The following MMAA variants were observed in gnomAD, a reference collection of about 807,000 sequenced individuals.
MMAA encodes the protein metabolism of cobalamin associated A, also known as methylmalonic aciduria type A protein, mitochondrial.
Under a neutral mutation model 45.0 loss-of-function variants are expected in MMAA, and 41 were observed. That is an observed-to-expected ratio of 0.91 (90% confidence interval 0.71 to 1.18). The LOEUF is 1.18. Among genes scored for constraint, MMAA ranks in the 50% most tolerant of loss-of-function variants. MMAA has a pLI of 0.00. For missense variants in MMAA, 460 were observed against 495.7 expected, an observed-to-expected ratio of 0.93 and a Z score of 0.68; for synonymous variants, 154 against 178.2, an observed-to-expected ratio of 0.86 and a Z score of 1.08.
intron 1 of MMAA, chr4:145,624,676 C>T: frequency 6.7e-7 from 1 of 1,484,410 alleles, no homozygotes; most frequent in Non-Finnish European, 9.3e-7. Context: ...TTCTCAGGCT[C>T]AGGTTTGGGT....
chr4:145,653,162 C>G (rs1229306188), intron 5 of MMAA, among the ~76,000 whole-genome samples: 1 of 152,188 alleles, frequency 6.6e-6, no homozygotes, highest in Non-Finnish European at 1.5e-5. Flanking sequence ...TGTGAGCCAC[C>G]ACACCTAGCC....
chr4:145,652,917 T>C (rs988053823), intron 5 of MMAA, among the ~76,000 whole-genome samples: 1 of 151,954 alleles, frequency 6.6e-6, no homozygotes, highest in African/African-American at 2.4e-5. Context: ...TTTCCCAGGC[T>C]GGAGTGCAGT....
At chr4:145,641,959 GT>G (rs1270908983) in intron 2 of MMAA, among the ~76,000 whole-genome samples, 1 of 152,184 alleles carries the variant, frequency 6.6e-6, no homozygotes, top group East Asian at 1.9e-4. Flanking sequence ...ATAATGAGTT[GT>G]TTTTCCAGTG....
In MMAA at chr4:145,624,992, T is replaced by C. The variant is rs1004225862; in HGVS notation, c.-66+5585T>C. 2.0e-5 allele frequency: 20 copies of C among 995,202 alleles called. No homozygotes were observed. In the African/African-American group the frequency reaches 2.7e-4, roughly 13 times the overall value. 61.6% of individuals were successfully genotyped at this position (995,202 alleles called of 1,614,324 possible). A position where few individuals can be genotyped will look rare whatever the true frequency, so the allele number is the denominator to read the frequency against. On this transcript the variant is annotated intron_variant, in intron 1 of 6. Transcript: ENST00000649156. ...CTGACAGTTGGTACAGGAGTCAGTC[T>C]TGACAAGCCAATCATTCATATTATA...
At chr4:145,642,842 A>C (rs1346081080) in intron 3 of MMAA, 2 of 292,468 alleles carry the variant, frequency 6.8e-6, no homozygotes, top group Admixed American at 9.0e-5. Flanking sequence ...GCAATTCAGA[A>C]AATAGGTCCT....
At chr4:145,648,025 T>C (rs1352022834) in intron 4 of MMAA, among the ~76,000 whole-genome samples, 1 of 139,112 alleles carries the variant, frequency 7.2e-6, no homozygotes, top group Non-Finnish European at 1.5e-5. Flanking sequence ...CCCAGCTAAT[T>C]TTTTTTTTTT....
chr4:145,635,977 C>G (rs375472749), intron 1 of MMAA, among the ~76,000 whole-genome samples: 1 of 152,220 alleles, frequency 6.6e-6, no homozygotes, highest in Non-Finnish European at 1.5e-5. Context: ...CTGCCACTGG[C>G]TATGACTGTG....
At chr4:145,637,668 C>T (rs1485131101) in intron 1 of MMAA, among the ~76,000 whole-genome samples, 1 of 152,086 alleles carries the variant, frequency 6.6e-6, no homozygotes, top group African/African-American at 2.4e-5. Context: ...GAAAATCAAC[C>T]AAAATTTACA....
At chr4:145,648,383 T>C (rs1006132232) in intron 4 of MMAA, among the ~76,000 whole-genome samples, 11 of 152,054 alleles carry the variant, frequency 7.2e-5, no homozygotes, top group Non-Finnish European at 1.3e-4. Context: ...CCTGACCTTG[T>C]GATCCGCCCG....
rs189125891 is a variant in MMAA, at chr4:145,634,992, C to T, written c.-65-4083C>T. On this transcript the variant is annotated intron_variant, in intron 1 of 6. Coordinates refer to ENST00000649156, the MANE Select transcript of MMAA (RefSeq NM_172250.3). ...AAGCAGAAAGAAGGTGTCTCTTTTGCAGCCATGAGCTATGCAGCCTGGGAT... is the reference window on the plus strand; with the variant it reads ...AAGCAGAAAGAAGGTGTCTCTTTTGTAGCCATGAGCTATGCAGCCTGGGAT... Among the ~76,000 whole-genome samples, 4 of 152,004 alleles carry T rather than the reference C, an allele frequency of 2.6e-5. No homozygotes were observed. The East Asian group carries it at 7.8e-4, about 30-fold the overall frequency.
At chr4:145,623,048 C>T (rs1187733286) in intron 1 of MMAA, among the ~76,000 whole-genome samples, 1 of 152,214 alleles carries the variant, frequency 6.6e-6, no homozygotes, top group Non-Finnish European at 1.5e-5. Flanking sequence ...CCACTTCTCT[C>T]TTACAGAGAC....
In MMAA at chr4:145,639,330, AATT is replaced by A. The variant is rs758827870; in HGVS notation, c.194_196del (p.Leu65del). 1.2e-6 allele frequency: 2 copies of A among 1,614,212 alleles called. No homozygotes were observed. The highest frequency in any genetic ancestry group is 2.2e-5 in the South Asian group (2 of 91,082). ...CTGCTGTCAGATGGCTTAAAGAGAAAATTATGTGTACAAACAACCTTAAAGGAC... is the reference window on the plus strand; with the variant it reads ...CTGCTGTCAGATGGCTTAAAGAGAAAATGTGTACAAACAACCTTAAAGGAC... On this transcript the variant is annotated inframe_deletion, in exon 2 of 7. Transcript: ENST00000649156.
At position 145,619,611 on chromosome 4, in the gene MMAA, A is replaced by C. The variant is rs575375678; in HGVS notation, c.-66+204A>C. ...TATGTGTGGACAGGCAGGAGTCGGCAAATGGGTTCAAATGGAAGCTTTAAC... is the reference window on the plus strand; with the variant it reads ...TATGTGTGGACAGGCAGGAGTCGGCCAATGGGTTCAAATGGAAGCTTTAAC... On this transcript the variant is annotated intron_variant, in intron 1 of 6. Coordinates refer to ENST00000649156, the MANE Select transcript of MMAA (RefSeq NM_172250.3). 1.1e-4 allele frequency among the ~76,000 whole-genome samples: 17 copies of C among 152,342 alleles called. No individual in the cohort carries two copies. The South Asian group carries it at 3.5e-3, about 32-fold the overall frequency.
At chr4:145,619,659 C>G (rs896273087) in intron 1 of MMAA, among the ~76,000 whole-genome samples, 1 of 152,178 alleles carries the variant, frequency 6.6e-6, no homozygotes, top group Non-Finnish European at 1.5e-5. Context: ...TGTACGTAAA[C>G]AGTGTTTTAA....
chr4:145,633,398 A>T (rs1727518782), intron 1 of MMAA, among the ~76,000 whole-genome samples: 1 of 151,208 alleles, frequency 6.6e-6, no homozygotes, highest in African/African-American at 2.4e-5. Context: ...GGGTTTCACC[A>T]TGTTGGCCAG....
chr4:145,641,651 A>G (rs546309324), intron 2 of MMAA, among the ~76,000 whole-genome samples: 4 of 152,284 alleles, frequency 2.6e-5, no homozygotes, highest in South Asian at 2.1e-4. Context: ...TACTATTACT[A>G]TATCTATTTT....
chr4:145,625,116 A>T, intron 1 of MMAA: 1 of 1,098,958 alleles, frequency 9.1e-7, no homozygotes, highest in Non-Finnish European at 1.4e-6. Flanking sequence ...AGCCAATCTG[A>T]TAGGTTCATC....
Position 145,646,023 on chromosome 4 carries a change from A to G in MMAA, c.600A>G (p.Leu200=), listed in dbSNP as rs2126622751. The change falls in exon 4 of 7, where the codon TTA becomes TTG. Residue 200 remains leucine, a synonymous_variant. Coordinates refer to ENST00000649156, the MANE Select transcript of MMAA (RefSeq NM_172250.3). ...GTGATAAAACCCGAATGACTGAGTT[A>G]TCAAGAGATATGAATGCATACATCA... ...LLGDKTRMTE[L]SRDMNAYIRP... The G allele has an allele frequency of 6.2e-7, 1 of 1,614,114 alleles. No individual in the cohort carries two copies. Among genetic ancestry groups the G allele is most frequent in the Non-Finnish European group, 8.5e-7 (1 of 1,179,974 alleles).
At chr4:145,629,026 T>C (rs376823797) in intron 1 of MMAA, among the ~76,000 whole-genome samples, 1 of 152,240 alleles carries the variant, frequency 6.6e-6, no homozygotes, top group Non-Finnish European at 1.5e-5. Context: ...CGAAGGAATG[T>C]TGAATTTTAT....
Sources: gnomAD v4.1 joint callset for allele counts (sites outside exome capture counted in the v4.1 genomes callset) on GRCh38, gnomAD v4.1.1 for gene constraint, MANE v1.5 for transcripts, NCBI Gene and HGNC (gene_info 2026-07-23, HGNC 2026-07-21) for gene names.